Variants in SLC11A2 observed in about 807,000 individuals in gnomAD.
The protein encoded by SLC11A2 is natural resistance-associated macrophage protein 2.
Under a neutral mutation model 68.0 loss-of-function variants are expected in SLC11A2, and 38 were observed. The ratio of observed to expected loss-of-function variants is 0.56; its 90% CI spans 0.43 to 0.73. The LOEUF (loss-of-function observed/expected upper bound fraction) is 0.73. Among genes scored for constraint, SLC11A2 ranks in the 30% least tolerant of loss-of-function variants. The pLI is 0.00. For synonymous variants in SLC11A2, 242 were observed against 250.6 expected (o/e 0.97, Z 0.32); for missense variants, 517 against 690.5 (o/e 0.75, Z 2.82).
chr12:50,954,225 G>T, the SLC11A2 span: 1 of 570,136 alleles, frequency 1.8e-6, no homozygotes. Context: ...CTCTAAGCAT[G>T]TGTTGAACTT....
chr12:50,981,771 G>C, downstream of SLC11A2: 1 of 1,535,746 alleles, frequency 6.5e-7, no homozygotes, highest in Non-Finnish European at 8.7e-7. Context: ...TCAGAAGATA[G>C]AGTTCAGGCT....
the SLC11A2 span, chr12:50,954,054 T>C: frequency 8.1e-6 from 13 of 1,613,392 alleles, no homozygotes; most frequent in Non-Finnish European, 1.1e-5. Context: ...TTATCCCGAC[T>C]AATCAGGAAA....
the SLC11A2 span, among the ~76,000 whole-genome samples, chr12:50,969,285 C>A: frequency 1.3e-5 from 2 of 150,602 alleles, no homozygotes; most frequent in Non-Finnish European, 3.0e-5. Context: ...GACAGAGAGA[C>A]CCCATCTCAA....
chr12:51,024,392 A>T (rs1173799398), intron 1 of SLC11A2: 1 of 152,222 alleles, frequency 6.6e-6, no homozygotes, highest in African/African-American at 2.4e-5. Flanking sequence ...TCAAACAAGA[A>T]AGATCTGGCA....
intron 3 of SLC11A2, among the ~76,000 whole-genome samples, chr12:51,006,772 A>C (rs1318820686): frequency 1.3e-5 from 2 of 152,090 alleles, no homozygotes; most frequent in East Asian, 1.9e-4. Context: ...TTTTTTATTT[A>C]TTTTTATTTT....
intron 15 of SLC11A2, among the ~76,000 whole-genome samples, chr12:50,989,998 C>T (rs561300835): frequency 1.3e-5 from 2 of 152,218 alleles, no homozygotes; most frequent in African/African-American, 4.8e-5. Context: ...ATAAGCAATG[C>T]TAAAGAAGAT....
rs777649881 is a variant in SLC11A2, at chr12:50,986,766, C to A, written c.*1559G>T. On this transcript the variant is annotated 3_prime_UTR_variant, in exon 16 of 16. Transcript: ENST00000262052. ...ACTCTGTGCTATATTACTTGAGGGG[C>A]TAAGAAAAATGTATGGTCAGTGAAA... 167 of 1,286,942 alleles carry A rather than the reference C, an allele frequency of 1.3e-4. No homozygotes were observed. The highest frequency in any genetic ancestry group is 1.6e-4 in the Non-Finnish European group (163 of 988,666). The allele number at this position is 1,286,942 out of a possible 1,614,324, so 79.7% of individuals were successfully genotyped here.
chr12:51,025,815 G>A (rs1944343535), intron 1 of SLC11A2: 3 of 986,312 alleles, frequency 3.0e-6, no homozygotes, highest in South Asian at 4.6e-5. Flanking sequence ...CACAGAAGGC[G>A]CTCCCTGAAG....
Position 50,987,860 on chromosome 12 carries a change from A to C in SLC11A2, c.*465T>G. On this transcript the variant is annotated 3_prime_UTR_variant, in exon 16 of 16. Coordinates refer to ENST00000262052, the MANE Select transcript of SLC11A2 (RefSeq NM_000617.3). ...TTGATAATTTGGTATAATTAAAATA[A>C]CTGAAAAGGTAGGTATAAGGAAAAT... The C allele has an allele frequency of 4.0e-6, 5 of 1,260,402 alleles. No homozygotes were observed. The highest frequency in any genetic ancestry group is 4.1e-6 in the Non-Finnish European group (4 of 978,180). The allele number at this position is 1,260,402 out of a possible 1,614,324, so 78.1% of individuals were successfully genotyped here.
At chr12:51,021,827 G>A (rs1487484083) in intron 1 of SLC11A2, among the ~76,000 whole-genome samples, 2 of 152,150 alleles carry the variant, frequency 1.3e-5, no homozygotes, top group African/African-American at 4.8e-5. Flanking sequence ...TAAGGAGGAA[G>A]AGTACAGCTG....
At position 51,021,907 on chromosome 12, in the gene SLC11A2, A is replaced by G. The variant is rs115487847; in HGVS notation, c.-39+4403T>C. 4.8e-3 allele frequency among the ~76,000 whole-genome samples: 725 copies of G among 152,240 alleles called. 7 individuals carry two copies. Among genetic ancestry groups the G allele is most frequent in the African/African-American group, 0.016 (655 of 41,536 alleles). On this transcript the variant is annotated intron_variant, in intron 1 of 15. Coordinates refer to ENST00000262052, the MANE Select transcript of SLC11A2 (RefSeq NM_000617.3). ...GAGAAATGTGGCCAGGCTGTCAAGG[A>G]GTACTTATCTTTTAAACAAAAATAT...
intron 3 of SLC11A2, chr12:51,006,347 T>C: frequency 6.3e-6 from 1 of 158,566 alleles, no homozygotes; most frequent in Non-Finnish European, 1.4e-5. Context: ...ATCTTAAAAC[T>C]GACAAAACAG....
chr12:50,967,097 G>C, the SLC11A2 span, among the ~76,000 whole-genome samples: 13,921 of 150,282 alleles, frequency 0.093, 949 homozygotes, highest in African/African-American at 0.19. Context: ...TTGGGTGATG[G>C]AGCAAGACTC....
chr12:51,009,525 G>C (rs1943031612), intron 2 of SLC11A2, among the ~76,000 whole-genome samples: 1 of 152,160 alleles, frequency 6.6e-6, no homozygotes. Flanking sequence ...AAACAAATAA[G>C]AGCTTTCTTT....
the SLC11A2 span, among the ~76,000 whole-genome samples, chr12:50,963,431 C>T: frequency 6.7e-6 from 1 of 149,696 alleles, no homozygotes; most frequent in Middle Eastern, 3.2e-3. Flanking sequence ...AAGGAAAATC[C>T]AGAACCTGCA....
intron 11 of SLC11A2, chr12:50,993,161 T>A: frequency 2.2e-6 from 1 of 452,328 alleles, no homozygotes; most frequent in Non-Finnish European, 4.0e-6. Flanking sequence ...CTTTCTCTTC[T>A]CCAAGCTCCT....
the SLC11A2 span, among the ~76,000 whole-genome samples, chr12:50,968,978 C>A: frequency 6.6e-6 from 1 of 152,100 alleles, no homozygotes; most frequent in African/African-American, 2.4e-5. Context: ...CACCACGCAC[C>A]GCATTTATAT....
chr12:50,998,904 G>A (rs1941967079), intron 8 of SLC11A2, among the ~76,000 whole-genome samples: 1 of 152,068 alleles, frequency 6.6e-6, no homozygotes, highest in African/African-American at 2.4e-5. Context: ...TTGTCAGATG[G>A]TCAACTTGGG....
chr12:50,954,074 T>A, the SLC11A2 span: 1 of 1,607,546 alleles, frequency 6.2e-7, no homozygotes, highest in African/African-American at 1.3e-5. Flanking sequence ...ATCTAGAGAC[T>A]CCCCCTTTGT....
Sources: gnomAD v4.1 joint callset for allele counts (sites outside exome capture counted in the v4.1 genomes callset) on GRCh38, gnomAD v4.1.1 for gene constraint, MANE v1.5 for transcripts, NCBI Gene and HGNC (gene_info 2026-07-23, HGNC 2026-07-21) for gene names.